AUTS2: variants seen among roughly 807,000 people sequenced by gnomAD.
AUTS2 encodes autism susceptibility gene 2 protein.
Under a neutral mutation model 112.4 loss-of-function variants are expected in AUTS2, and 17 were observed. That is an observed-to-expected ratio of 0.15 (90% CI 0.10 to 0.23). The LOEUF is 0.23. Ranked by LOEUF, AUTS2 falls within the 10% of genes least tolerant of loss-of-function variation. The pLI is 1.00. For synonymous variants in AUTS2, 751 were observed against 702.7 expected, an observed-to-expected ratio of 1.07 and a Z score of -1.09; for missense variants, 1,510 against 1,701.6, an observed-to-expected ratio of 0.89 and a Z score of 1.98.
intron 1 of AUTS2, among the ~76,000 whole-genome samples, chr7:69,723,158 A>G (rs966564331): frequency 3.9e-5 from 6 of 152,200 alleles, no homozygotes; most frequent in East Asian, 3.9e-4. Flanking sequence ...CATCATTCAC[A>G]GCAGCCAGTG....
rs112364318 is a variant in AUTS2 at position 70,689,147 on chromosome 7, A to G, written c.691-9422A>G. Among the ~76,000 whole-genome samples, 224 of 151,952 alleles carry G rather than the reference A, an allele frequency of 1.5e-3. 1 individual carries two copies. Among genetic ancestry groups the G allele is most frequent in the African/African-American group, 5.2e-3 (216 of 41,458 alleles). Reference sequence around the variant, plus strand: ...AGAGGCAGGAGGATCACTTGAGGCCACGAGTTCAAGACCAGCCTGGGAAAC... The same window carrying G: ...AGAGGCAGGAGGATCACTTGAGGCCGCGAGTTCAAGACCAGCCTGGGAAAC... On this transcript the variant is annotated intron_variant, in intron 5 of 18. Coordinates refer to ENST00000342771, the MANE Select transcript of AUTS2 (RefSeq NM_015570.4).
At chr7:70,070,322 C>T (rs1341660469) in intron 2 of AUTS2, among the ~76,000 whole-genome samples, 4 of 151,492 alleles carry the variant, frequency 2.6e-5, no homozygotes, top group African/African-American at 9.7e-5. Context: ...CCTGTAGTCC[C>T]AGCACTTTGG....
At chr7:70,526,827 C>T (rs1799861747) in intron 5 of AUTS2, among the ~76,000 whole-genome samples, 1 of 152,202 alleles carries the variant, frequency 6.6e-6, no homozygotes, top group African/African-American at 2.4e-5. Flanking sequence ...CCTCCTCTCT[C>T]CCGACACCCT....
At chr7:70,644,275 G>A (rs1466279213) in intron 5 of AUTS2, among the ~76,000 whole-genome samples, 6 of 152,174 alleles carry the variant, frequency 3.9e-5, no homozygotes, top group Non-Finnish European at 2.9e-5. Context: ...TTTATAAATG[G>A]TTGAAGGGAC....
intron 1 of AUTS2, among the ~76,000 whole-genome samples, chr7:69,713,278 C>G (rs1304975218): frequency 6.6e-6 from 1 of 151,942 alleles, no homozygotes; most frequent in Non-Finnish European, 1.5e-5. Flanking sequence ...AATATACAAC[C>G]CATCTTTGGT....
At chr7:70,560,025 G>T (rs1050218004) in intron 5 of AUTS2, among the ~76,000 whole-genome samples, 4 of 152,160 alleles carry the variant, frequency 2.6e-5, no homozygotes, top group African/African-American at 9.7e-5. Context: ...CCACTACTCT[G>T]CTCCAGTCAC....
intron 1 of AUTS2, among the ~76,000 whole-genome samples, chr7:69,787,930 G>C (rs1022583764): frequency 6.6e-6 from 1 of 152,162 alleles, no homozygotes; most frequent in East Asian, 1.9e-4. Context: ...TAGGAATGAA[G>C]TGGAACTTTT....
chr7:69,877,315 A>T (rs1050875352), intron 1 of AUTS2, among the ~76,000 whole-genome samples: 2 of 152,188 alleles, frequency 1.3e-5, no homozygotes, highest in African/African-American at 4.8e-5. Flanking sequence ...AAGTCTTCAA[A>T]CTTTTTTGAT....
Position 70,790,838 on chromosome 7 carries a change from C to T in AUTS2, c.3622C>T (p.Leu1208Phe), listed in dbSNP as rs2129561775. 1 of 1,607,322 alleles carries T rather than the reference C, an allele frequency of 6.2e-7. No homozygotes were observed. Among genetic ancestry groups the T allele is most frequent in the Non-Finnish European group, 8.5e-7 (1 of 1,176,336 alleles). Residue 1208 changes from leucine to phenylalanine, a missense_variant, in exon 19 of 19, where the codon CTC (leucine) becomes TTC (phenylalanine). By Grantham distance (22) the Leu-to-Phe change is conservative. Coordinates refer to ENST00000342771, the MANE Select transcript of AUTS2 (RefSeq NM_015570.4). This position sits in a 1 kb window ranked among gnomAD's most constrained non-coding sequence, Gnocchi z 7.6. ...SPTAGNQNGL[L>F]NKTPPTAALS... ...CACCGCGGGCAACCAGAACGGACTC[C>T]TCAACAAGACCCCTCCGACAGCAGC...
At chr7:69,606,814 TTTCTC>T (rs1230738326) in intron 1 of AUTS2, among the ~76,000 whole-genome samples, 1 of 152,166 alleles carries the variant, frequency 6.6e-6, no homozygotes, top group African/African-American at 2.4e-5. Flanking sequence ...GCAGAACTGT[TTTCTC>T]TTATATAATC....
chr7:69,816,288 C>T (rs62457247), intron 1 of AUTS2, among the ~76,000 whole-genome samples: 1,556 of 152,334 alleles, frequency 0.01, 20 homozygotes, highest in South Asian at 0.014. Flanking sequence ...TATCGACTTA[C>T]ATTCCGTTCT....
intron 4 of AUTS2, among the ~76,000 whole-genome samples, chr7:70,219,272 G>A (rs1251241507): frequency 2.0e-5 from 3 of 152,188 alleles, no homozygotes; most frequent in Admixed American, 2.0e-4. Flanking sequence ...TTATGACAAG[G>A]TGAAATTGAC....
chr7:70,606,074 G>A (rs960164732), intron 5 of AUTS2, among the ~76,000 whole-genome samples: 2 of 152,208 alleles, frequency 1.3e-5, no homozygotes, highest in Admixed American at 6.5e-5. Context: ...TATATGTCCA[G>A]AGTGCCCCAG....
chr7:70,627,715 G>A (rs369154759), intron 5 of AUTS2, among the ~76,000 whole-genome samples: 1 of 152,338 alleles, frequency 6.6e-6, no homozygotes, highest in Admixed American at 6.5e-5. Flanking sequence ...CCTTAGCAGG[G>A]ATCCCACATG....
rs751324950 is a variant in AUTS2 at position 70,764,507 on chromosome 7, C to T, written c.1215-245C>T. On this transcript the variant is annotated intron_variant, in intron 7 of 18. Transcript: ENST00000342771. ...GAGGTTTAGGCAGAATGAGCTGTCT[C>T]GACACCAAGATGCCCCACAGCCCTG... Among the ~76,000 whole-genome samples, 19 of 152,104 alleles carry T rather than the reference C, an allele frequency of 1.2e-4. 1 individual carries two copies. Among genetic ancestry groups the T allele is most frequent in the South Asian group, 4.2e-4 (2 of 4,798 alleles).
chr7:70,286,109 C>T (rs1314438269), intron 4 of AUTS2, among the ~76,000 whole-genome samples: 1 of 152,132 alleles, frequency 6.6e-6, no homozygotes, highest in African/African-American at 2.4e-5. Flanking sequence ...GGACTTGTTT[C>T]AGTGGTGCAA....
At chr7:70,555,899 G>A (rs948995177) in intron 5 of AUTS2, among the ~76,000 whole-genome samples, 11 of 151,726 alleles carry the variant, frequency 7.2e-5, no homozygotes, top group African/African-American at 2.7e-4. Context: ...CTGCCTCCCG[G>A]GTTCATGCCA....
intron 1 of AUTS2, among the ~76,000 whole-genome samples, chr7:69,716,216 C>CTG (rs1230142346): frequency 2.0e-5 from 3 of 151,046 alleles, no homozygotes; most frequent in Non-Finnish European, 3.0e-5. Flanking sequence ...CTCTGTGTGT[C>CTG]TGTGTGTGTG....
intron 4 of AUTS2, among the ~76,000 whole-genome samples, chr7:70,328,047 C>G (rs868407168): frequency 3.3e-5 from 5 of 152,134 alleles, no homozygotes; most frequent in African/African-American, 1.2e-4. Context: ...CTCAATACCA[C>G]AATGATGGAG....
Sources: allele counts gnomAD v4.1 joint callset (sites outside exome capture counted in the v4.1 genomes callset), GRCh38; gene constraint gnomAD v4.1.1; non-coding constraint Gnocchi (gnomAD v3.1); transcripts MANE v1.5; gene names NCBI Gene and HGNC (gene_info 2026-07-23, HGNC 2026-07-21).